The following CDH13 variants were observed in gnomAD, a reference collection of about 807,000 sequenced individuals.
CDH13 encodes cadherin-13.
CDH13 carries 24 observed loss-of-function variants against 63.8 expected under a neutral mutation model. The ratio of observed to expected loss-of-function variants is 0.38; its 90% CI spans 0.27 to 0.53. The LOEUF is 0.53. Ranked by LOEUF, CDH13 falls within the 20% of genes least tolerant of loss-of-function variation. The pLI is 0.85. For synonymous variants in CDH13, 503 were observed against 355.3 expected (o/e 1.42, Z -4.67); for missense variants, 1,049 against 903.1 (o/e 1.16, Z -2.07).
chr16:83,059,879 C>A (rs1171249611), intron 3 of CDH13, among the ~76,000 whole-genome samples: 2 of 149,568 alleles, frequency 1.3e-5, no homozygotes, highest in African/African-American at 4.9e-5. Context: ...ACTGCAAACT[C>A]CACCTCCTGG....
At chr16:83,736,713 G>C (rs920849142) in intron 10 of CDH13, among the ~76,000 whole-genome samples, 2 of 152,190 alleles carry the variant, frequency 1.3e-5, no homozygotes, top group African/African-American at 4.8e-5. Context: ...AAATAAATCT[G>C]CAAAATGGAC....
intron 1 of CDH13, among the ~76,000 whole-genome samples, chr16:82,810,482 C>A (rs534993448): frequency 7.7e-4 from 117 of 152,228 alleles, no homozygotes; most frequent in Non-Finnish European, 1.4e-3. Flanking sequence ...GTGGAGGGAT[C>A]CATTAGTAAG....
At chr16:83,751,684 A>G (rs1913098149) in intron 11 of CDH13, among the ~76,000 whole-genome samples, 1 of 152,252 alleles carries the variant, frequency 6.6e-6, no homozygotes, top group African/African-American at 2.4e-5. Flanking sequence ...GCGCAAGCAT[A>G]ACATAAACGG....
At chr16:82,727,874 A>G (rs1486832627) in intron 1 of CDH13, among the ~76,000 whole-genome samples, 2 of 152,084 alleles carry the variant, frequency 1.3e-5, no homozygotes, top group African/African-American at 4.8e-5. Flanking sequence ...ACAGCATTTG[A>G]ACAGATCAGC....
chr16:83,133,114 C>A (rs1257457756), intron 4 of CDH13, among the ~76,000 whole-genome samples: 2 of 152,182 alleles, frequency 1.3e-5, no homozygotes, highest in Non-Finnish European at 2.9e-5. Flanking sequence ...AAAGTCTTTA[C>A]TAATTTTAAT....
chr16:83,711,319 C>G (rs186396152), intron 10 of CDH13, among the ~76,000 whole-genome samples: 1 of 152,254 alleles, frequency 6.6e-6, no homozygotes, highest in Non-Finnish European at 1.5e-5. Context: ...TAGCGGGAAA[C>G]AAATGCCAGA....
chr16:83,091,261 C>A (rs998404487), intron 3 of CDH13, among the ~76,000 whole-genome samples: 1 of 151,066 alleles, frequency 6.6e-6, no homozygotes. Context: ...TCTCCATCTT[C>A]TGCTATCAGA....
At chr16:83,182,457 G>T (rs547403601) in intron 4 of CDH13, among the ~76,000 whole-genome samples, 2 of 152,302 alleles carry the variant, frequency 1.3e-5, no homozygotes, top group African/African-American at 2.4e-5. Context: ...GGACATTTCT[G>T]TGAGTTTTGT....
At chr16:82,783,828 A>C (rs200875264) in intron 1 of CDH13, among the ~76,000 whole-genome samples, 173 of 76,212 alleles carry the variant, frequency 2.3e-3, no homozygotes, top group Non-Finnish European at 4.7e-3. Flanking sequence ...CTGACAAGGG[A>C]ATACTGGTAA....
intron 6 of CDH13, among the ~76,000 whole-genome samples, chr16:83,359,558 G>A (rs1158083335): frequency 6.6e-6 from 1 of 152,126 alleles, no homozygotes; most frequent in Admixed American, 6.5e-5. Flanking sequence ...GTGTTAATTT[G>A]AGCCTCTATT....
intron 4 of CDH13, among the ~76,000 whole-genome samples, chr16:83,168,546 A>G (rs557188216): frequency 1.3e-5 from 2 of 152,036 alleles, no homozygotes; most frequent in African/African-American, 4.8e-5. Context: ...CCAGTATTCC[A>G]TTTTCAAATT....
chr16:83,412,304 A>T (rs1249683601), intron 6 of CDH13, among the ~76,000 whole-genome samples: 1 of 152,150 alleles, frequency 6.6e-6, no homozygotes, highest in African/African-American at 2.4e-5. Context: ...TCTACTAAAA[A>T]TACAAAAATT....
intron 11 of CDH13, among the ~76,000 whole-genome samples, chr16:83,755,067 A>C (rs993085535): frequency 5.3e-5 from 8 of 152,196 alleles, no homozygotes; most frequent in Admixed American, 3.3e-4. Flanking sequence ...AGAACATTAA[A>C]ATAAACATGA....
intron 4 of CDH13, among the ~76,000 whole-genome samples, chr16:83,164,721 AAAAAAAG>A: frequency 9.9e-6 from 1 of 101,402 alleles, no homozygotes; most frequent in Non-Finnish European, 1.9e-5. Context: ...ACTCTGTCTC[AAAAAAAG>A]AAAAAAAAAA....
intron 6 of CDH13, among the ~76,000 whole-genome samples, chr16:83,391,210 CTT>C (rs372320805): frequency 7.6e-5 from 11 of 144,512 alleles, no homozygotes; most frequent in Non-Finnish European, 6.1e-5. Context: ...TGCCTACACA[CTT>C]TTTTTTTTTT....
intron 10 of CDH13, among the ~76,000 whole-genome samples, chr16:83,724,421 G>A (rs1015425631): frequency 8.0e-6 from 1 of 124,410 alleles, no homozygotes; most frequent in Admixed American, 7.9e-5. Flanking sequence ...ATGCATAGGT[G>A]AGTGAGGAAT....
intron 7 of CDH13, among the ~76,000 whole-genome samples, chr16:83,580,541 C>G (rs1465694905): frequency 6.9e-6 from 1 of 145,978 alleles, no homozygotes; most frequent in Non-Finnish European, 1.5e-5. Context: ...GCCACCCAGG[C>G]TATAGTGCAG....
chr16:82,861,993 A>G (rs940373166), intron 2 of CDH13, among the ~76,000 whole-genome samples: 5 of 152,210 alleles, frequency 3.3e-5, no homozygotes, highest in South Asian at 2.1e-4. Flanking sequence ...GAAAAATACA[A>G]GAAGAAAGGA....
chr16:82,992,369 T>C (rs961120280), intron 2 of CDH13, among the ~76,000 whole-genome samples: 2 of 152,218 alleles, frequency 1.3e-5, no homozygotes, highest in African/African-American at 4.8e-5. Flanking sequence ...ATGGAGATTT[T>C]GATATATACA....
Sources: gnomAD v4.1 joint callset for allele counts (sites outside exome capture counted in the v4.1 genomes callset) on GRCh38, gnomAD v4.1.1 for gene constraint, MANE v1.5 for transcripts, NCBI Gene and HGNC (gene_info 2026-07-23, HGNC 2026-07-21) for gene names.